Variants in PIGH observed in about 807,000 individuals in gnomAD.
PIGH encodes the protein phosphatidylinositol glycan anchor biosynthesis class H.
Under a neutral mutation model 20.1 loss-of-function variants are expected in PIGH, and 11 were observed. That is an observed-to-expected ratio of 0.55 (90% confidence interval 0.34 to 0.91). The LOEUF is 0.91. PIGH is among the 40% of genes least tolerant of loss of function. PIGH has a pLI of 0.02. For missense variants in PIGH, 189 were observed against 233.6 expected (o/e 0.81, Z 1.24); for synonymous variants, 72 against 93.1 (o/e 0.77, Z 1.31).
chr14:67,596,015 C>A (rs2036467271), intron 1 of PIGH, among the ~76,000 whole-genome samples: 1 of 152,134 alleles, frequency 6.6e-6, no homozygotes. Context: ...ATTATTTATT[C>A]CCTTGATTCT....
chr14:67,598,128 T>C (rs144100456), intron 1 of PIGH, among the ~76,000 whole-genome samples: 29 of 152,344 alleles, frequency 1.9e-4, no homozygotes, highest in African/African-American at 5.5e-4. Context: ...TTTGAATGAA[T>C]TCCTTCAATC....
chr14:67,590,969 T>C lies in PIGH; in HGVS notation c.475-797A>G, dbSNP rs939066415. Reference sequence around the variant, plus strand: ...TTAATATGTAAATATTGAAAAATGTTTTACACAATGAAATGTAATAACCAA... The same window carrying C: ...TTAATATGTAAATATTGAAAAATGTCTTACACAATGAAATGTAATAACCAA... On this transcript the variant is annotated intron_variant, in intron 3 of 3. Coordinates refer to ENST00000216452, the MANE Select transcript of PIGH (RefSeq NM_004569.5). Among the ~76,000 whole-genome samples, 8 of 152,072 alleles carry C rather than the reference T, an allele frequency of 5.3e-5. No individual in the cohort carries two copies. The East Asian group carries it at 1.5e-3, about 29-fold the overall frequency.
chr14:67,599,422 A>AT, intron 1 of PIGH, among the ~76,000 whole-genome samples: 1 of 152,346 alleles, frequency 6.6e-6, no homozygotes, highest in Non-Finnish European at 1.5e-5. Context: ...GAGCACAGCT[A>AT]TCACACACGT....
chr14:67,594,765 G>A (rs994962712), intron 1 of PIGH, among the ~76,000 whole-genome samples: 7 of 152,150 alleles, frequency 4.6e-5, no homozygotes, highest in African/African-American at 1.7e-4. Flanking sequence ...TTTAGTTCTA[G>A]CACTCAAATA....
Position 67,593,822 on chromosome 14 carries a change from T to A in PIGH, c.311A>T (p.Tyr104Phe). 1 of 1,613,636 alleles carries A rather than the reference T, an allele frequency of 6.2e-7. No individual in the cohort carries two copies. Among genetic ancestry groups the A allele is most frequent in the Middle Eastern group, 1.6e-4 (1 of 6,062 alleles). The change falls in exon 2 of 4, where the codon TAT (tyrosine) becomes TTT (phenylalanine). Residue 104 changes from tyrosine to phenylalanine, a missense_variant. Transcript: ENST00000216452. ...GGTAGTGCTTTCTTTGCCTGAAGCA[T>A]AAGATGAAGTCATCTGAATGCCAAG... ...DSLGIQMTSS[Y>F]ASGKESTTFI...
intron 3 of PIGH, chr14:67,592,223 T>C: frequency 3.9e-6 from 1 of 256,614 alleles, no homozygotes; most frequent in Non-Finnish European, 7.7e-6. Context: ...TTGCTTGAAC[T>C]CAGGAGTTCA....
chr14:67,595,269 A>C (rs997365676), intron 1 of PIGH, among the ~76,000 whole-genome samples: 1 of 152,234 alleles, frequency 6.6e-6, no homozygotes, highest in African/African-American at 2.4e-5. Flanking sequence ...GCTATACTTA[A>C]AGTGAAAAAC....
rs138069032 is a variant in PIGH at position 67,600,100 on chromosome 14, C to G, written c.104G>C (p.Arg35Pro). The change falls in exon 1 of 4, where the codon CGG becomes CCG. Residue 35 changes from arginine to proline, a missense_variant. By Grantham distance (103) the Arg-to-Pro change is moderately radical. Coordinates refer to ENST00000216452, the MANE Select transcript of PIGH (RefSeq NM_004569.5). ...AGCGGTGAGCGAACGCAGCGAGAGC[C>G]GAGGGCAGCTGAGGCAGAATTCCCG... Reference protein sequence around the residue: ...SCREFCLSCPRLSLRSLTAVT... With the variant: ...SCREFCLSCPPLSLRSLTAVT... 12 of 1,596,316 alleles carry G rather than the reference C, an allele frequency of 7.5e-6. No individual in the cohort carries two copies. In the African/African-American group the frequency reaches 1.2e-4, roughly 16 times the overall value.
At chr14:67,598,768 G>C (rs1566781519) in intron 1 of PIGH, among the ~76,000 whole-genome samples, 1 of 148,470 alleles carries the variant, frequency 6.7e-6, no homozygotes, top group African/African-American at 2.5e-5. Context: ...GGAGTGCAGT[G>C]GCGTGATCTC....
chr14:67,589,446 AG>A lies in PIGH; in HGVS notation c.*633del. On this transcript the variant is annotated 3_prime_UTR_variant, in exon 4 of 4. Transcript: ENST00000216452. Reference sequence around the variant, plus strand: ...TGAACTGATATAAAAAAAAATGCTGAGTAACAGAAAAGTATTAATGTGCTTG... The same window carrying A: ...TGAACTGATATAAAAAAAAATGCTGATAACAGAAAAGTATTAATGTGCTTG... 1.0e-6 allele frequency: 1 copy of A among 985,396 alleles called. No homozygotes were observed. Among genetic ancestry groups the A allele is most frequent in the Non-Finnish European group, 1.2e-6 (1 of 829,880 alleles). 61.0% of individuals were successfully genotyped at this position (985,396 alleles called of 1,614,324 possible).
Position 67,589,605 on chromosome 14 carries a change from G to A in PIGH, c.*475C>T. The A allele has an allele frequency of 1.0e-6, 1 of 986,122 alleles. No individual in the cohort carries two copies. The highest frequency in any genetic ancestry group is 1.2e-6 in the Non-Finnish European group (1 of 830,314). 61.1% of individuals were successfully genotyped at this position (986,122 alleles called of 1,614,324 possible). On this transcript the variant is annotated 3_prime_UTR_variant, in exon 4 of 4. Coordinates refer to ENST00000216452, the MANE Select transcript of PIGH (RefSeq NM_004569.5). ...AGCCCTGTACAGAACACAGGCACTA[G>A]GTTGACAGACTCGTCTTTTGTAGGA...
chr14:67,592,587 A>G (rs1332167999), intron 3 of PIGH, 48 bp downstream of exon 3: 3 of 1,109,390 alleles, frequency 2.7e-6, no homozygotes, highest in Admixed American at 1.8e-5. Flanking sequence ...ATTCCTAATG[A>G]AAAGGTTGAG....
At chr14:67,597,311 C>T (rs1400027401) in intron 1 of PIGH, among the ~76,000 whole-genome samples, 1 of 152,106 alleles carries the variant, frequency 6.6e-6, no homozygotes, top group Non-Finnish European at 1.5e-5. Context: ...GACCCTGTCT[C>T]TACAAAAAAT....
At chr14:67,595,073 C>T (rs1321897474) in intron 1 of PIGH, among the ~76,000 whole-genome samples, 2 of 150,866 alleles carry the variant, frequency 1.3e-5, no homozygotes, top group Non-Finnish European at 3.0e-5. Flanking sequence ...GGAGGTGGAG[C>T]TTGCAGTGAG....
intron 1 of PIGH, among the ~76,000 whole-genome samples, chr14:67,595,526 C>T (rs1005104368): frequency 2.0e-5 from 3 of 152,194 alleles, no homozygotes; most frequent in African/African-American, 7.2e-5. Context: ...GTGAGTGAAC[C>T]ATGATTGGTT....
chr14:67,598,377 A>G (rs951632391), intron 1 of PIGH, among the ~76,000 whole-genome samples: 5 of 152,292 alleles, frequency 3.3e-5, no homozygotes, highest in Admixed American at 6.5e-5. Flanking sequence ...GCCTAAGATC[A>G]GCTATACAAT....
In PIGH at chr14:67,589,369, G is replaced by A; in HGVS notation, c.*711C>T. The A allele has an allele frequency of 1.0e-6, 1 of 984,436 alleles. No homozygotes were observed. Among genetic ancestry groups the A allele is most frequent in the Non-Finnish European group, 1.2e-6 (1 of 829,124 alleles). 61.0% of individuals were successfully genotyped at this position (984,436 alleles called of 1,614,324 possible). On this transcript the variant is annotated 3_prime_UTR_variant, in exon 4 of 4. Coordinates refer to ENST00000216452, the MANE Select transcript of PIGH (RefSeq NM_004569.5). ...GAGAGTCCCATGTCTGAAAACCAAA[G>A]TCCAATTTCTGTCTGGCCTTTTGTC...
intron 2 of PIGH, 73 bp downstream of exon 2, chr14:67,593,670 A>T: frequency 1.2e-6 from 1 of 840,876 alleles, no homozygotes. Flanking sequence ...GTTTTAGTTT[A>T]AATCTGGGAA....
At chr14:67,594,642 A>T (rs1335500333) in intron 1 of PIGH, among the ~76,000 whole-genome samples, 1 of 150,950 alleles carries the variant, frequency 6.6e-6, no homozygotes, top group Non-Finnish European at 1.5e-5. Flanking sequence ...ACAGAGTGAG[A>T]CATCTCAAAA....
Sources: allele counts gnomAD v4.1 joint callset (sites outside exome capture counted in the v4.1 genomes callset), GRCh38; gene constraint gnomAD v4.1.1; transcripts MANE v1.5; gene names NCBI Gene and HGNC (gene_info 2026-07-23, HGNC 2026-07-21).